HOPX: variants seen among roughly 807,000 people sequenced by gnomAD.
The protein encoded by HOPX is homeodomain-only protein.
In HOPX, 5 loss-of-function variants were observed where a neutral mutation model predicts 11.8. The observed-to-expected ratio is 0.43, with a 90% CI of 0.22 to 0.89. HOPX has a LOEUF of 0.89. Among genes scored for constraint, HOPX ranks in the 40% least tolerant of loss-of-function variants. The pLI is 0.28. For missense variants in HOPX, 119 were observed against 120.0 expected, an observed-to-expected ratio of 0.99 and a Z score of 0.04; for synonymous variants, 49 against 49.7, an observed-to-expected ratio of 0.99 and a Z score of 0.06.
chr4:56,651,498 A>G (rs542742395), intron 3 of HOPX, among the ~76,000 whole-genome samples: 3 of 152,264 alleles, frequency 2.0e-5, no homozygotes, highest in Admixed American at 2.0e-4. Flanking sequence ...TGTTTCAGTC[A>G]TCCACTGGGA....
At chr4:56,661,873 T>C (rs748860198) in intron 1 of HOPX, among the ~76,000 whole-genome samples, 1 of 152,194 alleles carries the variant, frequency 6.6e-6, no homozygotes, top group Non-Finnish European at 1.5e-5. Flanking sequence ...ACAATACAAA[T>C]ATAATGTATG....
At chr4:56,658,571 G>C (rs1287174965) in intron 1 of HOPX, among the ~76,000 whole-genome samples, 1 of 152,180 alleles carries the variant, frequency 6.6e-6, no homozygotes, top group Non-Finnish European at 1.5e-5. Context: ...CCCTTTGCTT[G>C]ACAAATGTTT....
intron 1 of HOPX, among the ~76,000 whole-genome samples, chr4:56,659,721 C>T (rs1717994673): frequency 6.6e-6 from 1 of 152,148 alleles, no homozygotes. Flanking sequence ...GAGAGAGACA[C>T]AAAAAGTATT....
At chr4:56,651,434 C>T (rs1717160660) in intron 3 of HOPX, among the ~76,000 whole-genome samples, 1 of 152,116 alleles carries the variant, frequency 6.6e-6, no homozygotes, top group Non-Finnish European at 1.5e-5. Flanking sequence ...TGTATCTTAT[C>T]AATCTCATGC....
intron 3 of HOPX, among the ~76,000 whole-genome samples, chr4:56,652,299 G>A (rs1405119828): frequency 1.3e-5 from 2 of 152,160 alleles, no homozygotes; most frequent in African/African-American, 4.8e-5. Context: ...TCGGCCCTGT[G>A]AATCAGTTCT....
chr4:56,661,722 G>A (rs1402337370), intron 1 of HOPX, among the ~76,000 whole-genome samples: 1 of 152,088 alleles, frequency 6.6e-6, no homozygotes, highest in Non-Finnish European at 1.5e-5. Flanking sequence ...ATGACATCTT[G>A]GGGCTAAAAG....
intron 1 of HOPX, chr4:56,680,951 T>C: frequency 1.2e-6 from 1 of 859,770 alleles, no homozygotes; most frequent in Non-Finnish European, 1.4e-6. Context: ...GGTTTCAAAG[T>C]TATCTTTCCA....
At chr4:56,663,646 C>G (rs542024608) in intron 1 of HOPX, 2 of 152,242 alleles carry the variant, frequency 1.3e-5, no homozygotes, top group South Asian at 2.1e-4. Context: ...CCACCACGCC[C>G]GACTAATTTT....
chr4:56,649,580 C>A lies in HOPX; in HGVS notation c.199-783G>T, dbSNP rs1037353747. ...GAGAGAAGCTAAAGTGGGCCTACCACTTTACTCAGAATCTCTCAGCTCCGT... is the reference window on the plus strand; with the variant it reads ...GAGAGAAGCTAAAGTGGGCCTACCAATTTACTCAGAATCTCTCAGCTCCGT... On this transcript the variant is annotated intron_variant, in intron 3 of 3. Transcript: ENST00000420433. 5 of 152,248 alleles carry A rather than the reference C, an allele frequency of 3.3e-5. No homozygotes were observed. In the East Asian group the frequency reaches 9.6e-4, roughly 29 times the overall value. The allele number at this position is 152,248 out of a possible 1,614,324, so 9.4% of individuals were successfully genotyped here.
At chr4:56,653,448 C>T (rs1717400235) in intron 3 of HOPX, among the ~76,000 whole-genome samples, 1 of 152,064 alleles carries the variant, frequency 6.6e-6, no homozygotes, top group African/African-American at 2.4e-5. Flanking sequence ...CACCAGTACC[C>T]ATGGGGGTAG....
chr4:56,650,742 TG>T, intron 3 of HOPX: 1 of 1,551,512 alleles, frequency 6.4e-7, no homozygotes, highest in East Asian at 2.4e-5. Flanking sequence ...CAGACTATCA[TG>T]GGGGTAGCCT....
At chr4:56,657,432 G>A (rs556700394) in intron 2 of HOPX, among the ~76,000 whole-genome samples, 1 of 152,166 alleles carries the variant, frequency 6.6e-6, no homozygotes, top group Non-Finnish European at 1.5e-5. Context: ...CCGGCAGAAT[G>A]TACCCAATGC....
At chr4:56,673,916 G>C (rs982533631) in intron 1 of HOPX, among the ~76,000 whole-genome samples, 1 of 151,542 alleles carries the variant, frequency 6.6e-6, no homozygotes, top group Non-Finnish European at 1.5e-5. Context: ...TGTTGGCCAG[G>C]CTGGTCTTGA....
chr4:56,649,624 C>T (rs890212965), intron 3 of HOPX: 2 of 152,252 alleles, frequency 1.3e-5, no homozygotes, highest in East Asian at 3.8e-4. Flanking sequence ...AATATTCACA[C>T]CTTACAGAAG....
At chr4:56,674,720 G>A (rs564265831) in intron 1 of HOPX, among the ~76,000 whole-genome samples, 1 of 151,210 alleles carries the variant, frequency 6.6e-6, no homozygotes, top group South Asian at 2.1e-4. Flanking sequence ...TGTGGAGATG[G>A]GTAAAATTAA....
chr4:56,659,511 C>T (rs1717978578), intron 1 of HOPX: 1 of 152,234 alleles, frequency 6.6e-6, no homozygotes, highest in Non-Finnish European at 1.5e-5. Context: ...GTTGAGTATT[C>T]ATCTGCCTCT....
rs754670299 is a variant in HOPX at position 56,648,764 on chromosome 4, G to A, written c.232C>T (p.Arg78Cys). 4.6e-5 allele frequency: 74 copies of A among 1,610,188 alleles called. No individual in the cohort carries two copies. Among genetic ancestry groups the A allele is most frequent in the Middle Eastern group, 1.6e-4 (1 of 6,068 alleles). ...WFKQRLAKWRRSEGLPSECRS... is the reference protein window; with the variant it reads ...WFKQRLAKWRCSEGLPSECRS... Reference sequence around the variant, plus strand: ...CACTCTGAGGGCAGGCCTTCTGAGCGCCGCCACTTTGCCAGGCGCTGCTTA... The same window carrying A: ...CACTCTGAGGGCAGGCCTTCTGAGCACCGCCACTTTGCCAGGCGCTGCTTA... The change falls in exon 4 of 4, where the codon CGC becomes TGC. Residue 78 changes from arginine (R) to cysteine (C), a missense_variant. Coordinates refer to ENST00000420433, the MANE Select transcript of HOPX (RefSeq NM_032495.6).
At chr4:56,661,201 G>A (rs758577226) in intron 1 of HOPX, among the ~76,000 whole-genome samples, 3 of 152,096 alleles carry the variant, frequency 2.0e-5, no homozygotes, top group African/African-American at 7.2e-5. Context: ...TAAAAATGAT[G>A]TCATACCATA....
chr4:56,653,178 C>G (rs1216537249), intron 3 of HOPX, among the ~76,000 whole-genome samples: 1 of 152,140 alleles, frequency 6.6e-6, no homozygotes, highest in African/African-American at 2.4e-5. Context: ...GCTGGGACTA[C>G]AGGCATGCAC....
Sources: allele counts gnomAD v4.1 joint callset (sites outside exome capture counted in the v4.1 genomes callset), GRCh38; gene constraint gnomAD v4.1.1; transcripts MANE v1.5; gene names NCBI Gene and HGNC (gene_info 2026-07-23, HGNC 2026-07-21).